The following STX11 variants were observed in gnomAD, a reference collection of about 807,000 sequenced individuals.
The protein encoded by STX11 is syntaxin-11.
STX11 carries 21 observed loss-of-function variants against 19.9 expected under a neutral mutation model. The ratio of observed to expected loss-of-function variants is 1.06; its 90% confidence interval spans 0.75 to 1.52. STX11 has a LOEUF of 1.52. Among genes scored for constraint, STX11 ranks in the 40% most tolerant of loss-of-function variants. STX11 has a pLI of 0.00. For synonymous variants in STX11, 193 were observed against 174.4 expected, an observed-to-expected ratio of 1.11 and a Z score of -0.84; for missense variants, 438 against 405.9, an observed-to-expected ratio of 1.08 and a Z score of -0.68.
Position 144,177,594 on chromosome 6 carries a change from C to A in STX11, c.-5-9029C>A, listed in dbSNP as rs947739377. Among the ~76,000 whole-genome samples, 1 of 151,996 alleles carries A rather than the reference C, an allele frequency of 6.6e-6. No homozygotes were observed. The highest frequency in any genetic ancestry group is 2.4e-5 in the African/African-American group (1 of 41,386). On this transcript the variant is annotated intron_variant, in intron 1 of 1. Transcript: ENST00000367568. The surrounding 1 kb of genome is among the most constrained non-coding windows in gnomAD (Gnocchi z 4.4). ...AAACCCCATCTCTACTAAAAACACA[C>A]AAAAAATTAGCCGGGTGTGGTGGTG...
At position 144,150,519 on chromosome 6, in the gene STX11, A is replaced by T; in HGVS notation, c.-190A>T. 1 of 985,302 alleles carries T rather than the reference A, an allele frequency of 1.0e-6. No homozygotes were observed. The highest frequency in any genetic ancestry group is 4.7e-5 in the South Asian group (1 of 21,288). The allele number at this position is 985,302 out of a possible 1,614,324, so 61.0% of individuals were successfully genotyped here. A position where few individuals can be genotyped will look rare whatever the true frequency, so the allele number is the denominator to read the frequency against. On this transcript the variant is annotated 5_prime_UTR_variant, in exon 1 of 2. An upstream start codon of the reference 5' UTR is lost. Coordinates refer to ENST00000367568, the MANE Select transcript of STX11 (RefSeq NM_003764.4). ...CGGGGGCTGAGCCGGCGGCGCCCAG[A>T]TGCGGCCGCGGCGGCGCGGAGCTCG... is the stretch of plus-strand genomic sequence containing the variant.
Position 144,187,376 on chromosome 6 carries a change from A to G in STX11, c.749A>G (p.Gln250Arg), listed in dbSNP as rs757666482. 1.2e-6 allele frequency: 2 copies of G among 1,610,584 alleles called. No homozygotes were observed. Among genetic ancestry groups the G allele is most frequent in the African/African-American group, 1.3e-5 (1 of 74,944 alleles). Residue 250 changes from glutamine to arginine, a missense_variant, in exon 2 of 2, where the codon CAA becomes CGA. Coordinates refer to ENST00000367568, the MANE Select transcript of STX11 (RefSeq NM_003764.4). This position sits in a 1 kb window ranked among gnomAD's most constrained non-coding sequence, Gnocchi z 5.6. Reference sequence around the variant, plus strand: ...CTGAACGTCATCGAGCTCAACGTACAAAAGACGGTCGACTACACCGGCCAG... The same window carrying G: ...CTGAACGTCATCGAGCTCAACGTACGAAAGACGGTCGACTACACCGGCCAG... ...DTLNVIELNV[Q>R]KTVDYTGQAK...
intron 1 of STX11, among the ~76,000 whole-genome samples, chr6:144,168,437 C>A (rs1801538179): frequency 6.6e-6 from 1 of 152,198 alleles, no homozygotes; most frequent in Admixed American, 6.5e-5. Flanking sequence ...TTATCACAAT[C>A]ATTTTCATTG....
At chr6:144,186,498 A>G (rs929077493) in intron 1 of STX11, 125 bp from the exon 2 acceptor site, 4 of 1,158,432 alleles carry the variant, frequency 3.5e-6, no homozygotes, top group African/African-American at 1.5e-5. Context: ...CCTTTAGTGC[A>G]CTTATTGCCC....
At chr6:144,168,625 A>G (rs1015350947) in intron 1 of STX11, among the ~76,000 whole-genome samples, 2 of 152,192 alleles carry the variant, frequency 1.3e-5, no homozygotes, top group Non-Finnish European at 2.9e-5. Context: ...GAATCCTTCA[A>G]AGTCACCACG....
chr6:144,146,502 G>A (rs1370740105), upstream of STX11, among the ~76,000 whole-genome samples: 2 of 152,134 alleles, frequency 1.3e-5, no homozygotes, highest in Non-Finnish European at 2.9e-5. This position sits in a 1 kb window ranked among gnomAD's most constrained non-coding sequence, Gnocchi z 4.4. Flanking sequence ...AGTAGAGACG[G>A]GGTTTCTCCA....
Position 144,186,961 on chromosome 6 carries a change from G to C in STX11, c.334G>C (p.Glu112Gln). The change falls in exon 2 of 2, where the codon GAG becomes CAG. Residue 112 changes from glutamate to glutamine, a missense_variant. By Grantham distance (29) the Glu-to-Gln change is conservative. Transcript: ENST00000367568. ...CKLRAMKELS[E>Q]AAEAQHGPHS... ...GCTGCGCGCCATGAAGGAGCTGAGC[G>C]AGGCGGCTGAGGCCCAGCACGGCCC... 6.2e-7 allele frequency: 1 copy of C among 1,608,926 alleles called. No homozygotes were observed. The highest frequency in any genetic ancestry group is 8.5e-7 in the Non-Finnish European group (1 of 1,179,726).
intron 1 of STX11, among the ~76,000 whole-genome samples, chr6:144,178,793 A>G (rs1381714183): frequency 6.6e-6 from 1 of 152,140 alleles, no homozygotes; most frequent in African/African-American, 2.4e-5. Context: ...CCCTAAGACA[A>G]TATTAAATGC....
Position 144,160,627 on chromosome 6 carries a change from C to A in STX11, c.-6+9924C>A, listed in dbSNP as rs1801310950. 6.6e-6 allele frequency among the ~76,000 whole-genome samples: 1 copy of A among 152,022 alleles called. No homozygotes were observed. The highest frequency in any genetic ancestry group is 1.5e-5 in the Non-Finnish European group (1 of 67,986). On this transcript the variant is annotated intron_variant, in intron 1 of 1. Coordinates refer to ENST00000367568, the MANE Select transcript of STX11 (RefSeq NM_003764.4). This position sits in a 1 kb window ranked among gnomAD's most constrained non-coding sequence, Gnocchi z 4.3. ...CCTCTACATTAAGTACTAAGAATAC[C>A]AAACATTTGGCTGATTGCAGGGAGG... is the stretch of plus-strand genomic sequence containing the variant.
rs1801083097 is a variant in STX11, at chr6:144,154,431, C to G, written c.-6+3728C>G. Among the ~76,000 whole-genome samples, 1 of 151,654 alleles carries G rather than the reference C, an allele frequency of 6.6e-6. No individual in the cohort carries two copies. The highest frequency in any genetic ancestry group is 2.4e-5 in the African/African-American group (1 of 40,918). The stretch of plus-strand genomic sequence containing the variant: ...ATTTTTATCCTGGGAATTGAAACAT[C>G]TTAATGGAGACTCACAGTGTCTGAA... On this transcript the variant is annotated intron_variant, in intron 1 of 1. Transcript: ENST00000367568. This position sits in a 1 kb window ranked among gnomAD's most constrained non-coding sequence, Gnocchi z 4.7.
chr6:144,190,409 A>C lies in STX11; in HGVS notation c.*2918A>C, dbSNP rs559505301. On this transcript the variant is annotated 3_prime_UTR_variant, in exon 2 of 2. Coordinates refer to ENST00000367568, the MANE Select transcript of STX11 (RefSeq NM_003764.4). ...CTGGCACATGCTAAGTGCTTTGTTC[A>C]TTATTGTTGTTATTATGTAATTTTC... is the stretch of plus-strand genomic sequence containing the variant. Among the ~76,000 whole-genome samples the C allele has an allele frequency of 2.0e-5, 3 of 152,360 alleles. No individual in the cohort carries two copies. In the South Asian group the frequency reaches 6.2e-4, roughly 32 times the overall value.
rs1380146624 is a variant in STX11, at chr6:144,191,580, T to TTCTA, written c.*4092_*4095dup. On this transcript the variant is annotated 3_prime_UTR_variant, in exon 2 of 2. Coordinates refer to ENST00000367568, the MANE Select transcript of STX11 (RefSeq NM_003764.4). ...TATAGTCTTGATTTTTATGTATAAATTCTATCATTCTATATTTTACCATCA... is the reference window on the plus strand; with the variant it reads ...TATAGTCTTGATTTTTATGTATAAATTCTATCTATCATTCTATATTTTACCATCA... 5.3e-5 allele frequency among the ~76,000 whole-genome samples: 8 copies of TTCTA among 151,992 alleles called. No homozygotes were observed. Among genetic ancestry groups the TTCTA allele is most frequent in the Admixed American group, 3.9e-4 (6 of 15,256 alleles).
chr6:144,164,514 A>G (rs1172761512), intron 1 of STX11, among the ~76,000 whole-genome samples: 2 of 152,204 alleles, frequency 1.3e-5, no homozygotes, highest in Non-Finnish European at 2.9e-5. Flanking sequence ...TGGACATATA[A>G]AAAGATATCT....
intron 1 of STX11, among the ~76,000 whole-genome samples, chr6:144,157,928 C>G (rs1230938887): frequency 6.6e-6 from 1 of 150,754 alleles, no homozygotes; most frequent in Non-Finnish European, 1.5e-5. Context: ...AGTGTGTAGT[C>G]TGTAGATTAT....
At position 144,188,478 on chromosome 6, in the gene STX11, TTATGGCGGTAGACA is replaced by T. The variant is rs1417489693; in HGVS notation, c.*1000_*1013del. 8.2e-5 allele frequency: 18 copies of T among 220,778 alleles called. No homozygotes were observed. The highest frequency in any genetic ancestry group is 3.6e-4 in the African/African-American group (16 of 43,892). 13.7% of individuals were successfully genotyped at this position (220,778 alleles called of 1,614,324 possible). ...TTCATGTTAAACAACTCTGCATTGG[TTATGGCGGTAGACA>T]TATGGCGGTAGAAAATGTATACGGA... On this transcript the variant is annotated 3_prime_UTR_variant, in exon 2 of 2. Transcript: ENST00000367568.
Position 144,187,955 on chromosome 6 carries a change from T to C in STX11, c.*464T>C. 1 of 288,860 alleles carries C rather than the reference T, an allele frequency of 3.5e-6. No individual in the cohort carries two copies. The highest frequency in any genetic ancestry group is 7.1e-6 in the Non-Finnish European group (1 of 141,818). 17.9% of individuals were successfully genotyped at this position (288,860 alleles called of 1,614,324 possible). A position where few individuals can be genotyped will look rare whatever the true frequency, so the allele number is the denominator to read the frequency against. On this transcript the variant is annotated 3_prime_UTR_variant, in exon 2 of 2. Transcript: ENST00000367568. The surrounding 1 kb of genome is among the most constrained non-coding windows in gnomAD (Gnocchi z 5.6). Reference sequence around the variant, plus strand: ...GTTCCATTTTGAGCGAAATTGGCCTTGGGAAAAACCACGTTCTTCCTTTCC... The same window carrying C: ...GTTCCATTTTGAGCGAAATTGGCCTCGGGAAAAACCACGTTCTTCCTTTCC...
chr6:144,156,003 TTTCTTTCTTTCTCTCTTTCTC>T lies in STX11; in HGVS notation c.-6+5302_-6+5322del, dbSNP rs1562655541. Among the ~76,000 whole-genome samples the T allele has an allele frequency of 7.1e-5, 9 of 126,732 alleles. No individual in the cohort carries two copies. In the East Asian group the frequency reaches 1.1e-3, roughly 15 times the overall value. 83.1% of individuals were successfully genotyped at this position (126,732 alleles called of 152,430 possible). A position where few individuals can be genotyped will look rare whatever the true frequency, so the allele number is the denominator to read the frequency against. On this transcript the variant is annotated intron_variant, in intron 1 of 1. Coordinates refer to ENST00000367568, the MANE Select transcript of STX11 (RefSeq NM_003764.4). Reference sequence around the variant, plus strand: ...CTTTCTTTCTTTCTTTCTTTCTTTCTTTCTTTCTTTCTCTCTTTCTCTCCTTCCTTCCTTCCTTCCTTCCTT... The same window carrying T: ...CTTTCTTTCTTTCTTTCTTTCTTTCTTCCTTCCTTCCTTCCTTCCTTCCTT...
chr6:144,186,741 C>T lies in STX11; in HGVS notation c.114C>T (p.Asp38=). The T allele has an allele frequency of 6.2e-7, 1 of 1,614,184 alleles. No homozygotes were observed. The highest frequency in any genetic ancestry group is 8.5e-7 in the Non-Finnish European group (1 of 1,180,050). ...SPHEDIVFET[D]HILESLYRDI... is the part of the protein sequence containing the mutation. ...ACGAGGACATCGTGTTCGAGACGGACCACATCCTGGAGTCCCTGTACCGAG... is the reference window on the plus strand; with the variant it reads ...ACGAGGACATCGTGTTCGAGACGGATCACATCCTGGAGTCCCTGTACCGAG... The change falls in exon 2 of 2, where the codon GAC becomes GAT. Residue 38 remains aspartate (D), a synonymous_variant. Transcript: ENST00000367568.
rs1801739872 is a variant in STX11 at position 144,174,899 on chromosome 6, G to A, written c.-5-11724G>A. On this transcript the variant is annotated intron_variant, in intron 1 of 1. Transcript: ENST00000367568. This position sits in a 1 kb window ranked among gnomAD's most constrained non-coding sequence, Gnocchi z 5.3. ...TGTAATTACAGCACTTTGGGAGGTT[G>A]AGGCAGAGGGGATCACTTGTGCTCC... is the stretch of plus-strand genomic sequence containing the variant. Among the ~76,000 whole-genome samples, 1 of 152,130 alleles carries A rather than the reference G, an allele frequency of 6.6e-6. No homozygotes were observed. Among genetic ancestry groups the A allele is most frequent in the African/African-American group, 2.4e-5 (1 of 41,436 alleles).
Sources: gnomAD v4.1 joint callset for allele counts (sites outside exome capture counted in the v4.1 genomes callset) on GRCh38, gnomAD v4.1.1 for gene constraint, Gnocchi (gnomAD v3.1) non-coding constraint, MANE v1.5 for transcripts, NCBI Gene and HGNC (gene_info 2026-07-23, HGNC 2026-07-21) for gene names.